RUNDC3B: variants seen among roughly 807,000 people sequenced by gnomAD.
RUNDC3B encodes the protein RUN domain containing 3B.
A neutral mutation model predicts 58.4 loss-of-function variants in RUNDC3B; 33 were observed. The ratio of observed to expected loss-of-function variants is 0.56; its 90% confidence interval spans 0.43 to 0.75. The LOEUF is 0.75. Ranked by LOEUF, RUNDC3B falls within the 30% of genes least tolerant of loss-of-function variation. The probability of loss-of-function intolerance (pLI) is 0.00; values close to 1 mark genes in which losing one functional copy is unlikely to be tolerated. For missense variants in RUNDC3B, 501 were observed against 535.7 expected, an observed-to-expected ratio of 0.94 and a Z score of 0.64; for synonymous variants, 193 against 195.2, an observed-to-expected ratio of 0.99 and a Z score of 0.10.
chr7:87,821,879 C>T (rs1245288409), intron 10 of RUNDC3B, among the ~76,000 whole-genome samples: 1 of 152,110 alleles, frequency 6.6e-6, no homozygotes, highest in Non-Finnish European at 1.5e-5. Context: ...ACACCTTATA[C>T]AAAAATTAAT....
intron 10 of RUNDC3B, among the ~76,000 whole-genome samples, chr7:87,826,087 T>C (rs1472410099): frequency 6.6e-6 from 1 of 152,120 alleles, no homozygotes; most frequent in Non-Finnish European, 1.5e-5. Context: ...AGTTTTGAAA[T>C]GTTAGGACAT....
Position 87,807,400 on chromosome 7 carries a change from A to T in RUNDC3B, c.984A>T (p.Arg328Ser), listed in dbSNP as rs148337605. ...CTGTGCTAAAGAATAATGATTTAAG[A>T]TCGAGACAAGAGTTAACTGCCCATC... ...QLTVLKNNDL[R>S]SRQELTAHLT... is the part of the protein sequence containing the mutation. Residue 328 changes from arginine to serine, a missense_variant, in exon 9 of 11, where the codon AGA (arginine) becomes AGT (serine). Arg to Ser is a moderately radical substitution (Grantham distance 110). Coordinates refer to ENST00000394654, the MANE Select transcript of RUNDC3B (RefSeq NM_001134405.2). The T allele has an allele frequency of 6.2e-6, 10 of 1,613,788 alleles. No individual in the cohort carries two copies. In the African/African-American group the frequency reaches 9.3e-5, roughly 15 times the overall value.
chr7:87,784,332 C>A (rs528775783), intron 8 of RUNDC3B, among the ~76,000 whole-genome samples: 56 of 152,216 alleles, frequency 3.7e-4, no homozygotes, highest in Middle Eastern at 3.4e-3. Flanking sequence ...TTTATCTCAT[C>A]TGAGGGGGCT....
At chr7:87,757,412 A>G (rs1027102023) in intron 6 of RUNDC3B, among the ~76,000 whole-genome samples, 1 of 152,160 alleles carries the variant, frequency 6.6e-6, no homozygotes, top group Non-Finnish European at 1.5e-5. Context: ...TGAAAAAGAA[A>G]CAAGGAAAGC....
chr7:87,767,953 A>C (rs1205139771), intron 6 of RUNDC3B, among the ~76,000 whole-genome samples: 2 of 152,210 alleles, frequency 1.3e-5, no homozygotes, highest in Non-Finnish European at 2.9e-5. Flanking sequence ...CCAACAAAAT[A>C]ACCCAAGGGA....
At chr7:87,812,898 G>A (rs370320053) in intron 9 of RUNDC3B, among the ~76,000 whole-genome samples, 5 of 152,224 alleles carry the variant, frequency 3.3e-5, no homozygotes, top group East Asian at 1.9e-4. Flanking sequence ...ATCAGTTACC[G>A]TTACCGCATG....
chr7:87,650,058 C>T (rs1322759496), intron 1 of RUNDC3B, among the ~76,000 whole-genome samples: 2 of 152,090 alleles, frequency 1.3e-5, no homozygotes. Context: ...CTAATACAGA[C>T]GTATTCTTCT....
At chr7:87,771,537 T>C (rs993534232) in intron 7 of RUNDC3B, among the ~76,000 whole-genome samples, 16 of 152,270 alleles carry the variant, frequency 1.1e-4, no homozygotes, top group African/African-American at 3.9e-4. Flanking sequence ...TGCAAAAATA[T>C]GAAAATGCTG....
intron 10 of RUNDC3B, among the ~76,000 whole-genome samples, chr7:87,819,831 G>C (rs1209734889): frequency 6.6e-6 from 1 of 152,120 alleles, no homozygotes; most frequent in East Asian, 1.9e-4. Flanking sequence ...GATGTTCTTT[G>C]AAACCAACGA....
chr7:87,646,469 A>G (rs549387369), intron 1 of RUNDC3B, among the ~76,000 whole-genome samples: 31 of 152,246 alleles, frequency 2.0e-4, no homozygotes, highest in Non-Finnish European at 3.4e-4. Flanking sequence ...GTTTTGGTGT[A>G]TTTTATGGAG....
chr7:87,818,201 A>G (rs1837184980), intron 10 of RUNDC3B, among the ~76,000 whole-genome samples: 1 of 152,160 alleles, frequency 6.6e-6, no homozygotes, highest in Non-Finnish European at 1.5e-5. Context: ...AATTATAGGT[A>G]TTTTGATATC....
At chr7:87,796,124 A>G (rs1443135700) in intron 8 of RUNDC3B, among the ~76,000 whole-genome samples, 2 of 152,242 alleles carry the variant, frequency 1.3e-5, no homozygotes, top group Non-Finnish European at 2.9e-5. Flanking sequence ...CTATTCAGCC[A>G]TAAAGAAGAA....
intron 1 of RUNDC3B, among the ~76,000 whole-genome samples, chr7:87,634,634 A>G (rs1821578481): frequency 6.6e-6 from 1 of 152,268 alleles, no homozygotes; most frequent in East Asian, 1.9e-4. Flanking sequence ...TCTCAAAAAA[A>G]AAAGAAAAAA....
intron 2 of RUNDC3B, among the ~76,000 whole-genome samples, chr7:87,662,378 CTTTCAGGTTTTAGA>C (rs1824800381): frequency 6.6e-6 from 1 of 151,958 alleles, no homozygotes; most frequent in Non-Finnish European, 1.5e-5. Context: ...TAATTTCACA[CTTTCAGGTTTTAGA>C]TTTCAGTATT....
chr7:87,638,318 T>C (rs1822026807), intron 1 of RUNDC3B, among the ~76,000 whole-genome samples: 1 of 150,648 alleles, frequency 6.6e-6, no homozygotes, highest in African/African-American at 2.5e-5. Flanking sequence ...TTATTTGGCT[T>C]TATAAAACAA....
intron 1 of RUNDC3B, among the ~76,000 whole-genome samples, chr7:87,629,920 C>CA (rs202130650): frequency 0.039 from 4,355 of 112,708 alleles, 175 homozygotes; most frequent in African/African-American, 0.11. Flanking sequence ...GAGACTTCGT[C>CA]AAAAAAAAAA....
intron 1 of RUNDC3B, among the ~76,000 whole-genome samples, chr7:87,638,345 TTGTGTGTGTGTGTGTGTGTGTG>T (rs71524692): frequency 6.9e-6 from 1 of 144,696 alleles, no homozygotes. Context: ...AAGTATGTGT[TTGTGTGTGTGTGTGTGTGTGTG>T]TGTGTGTGTG....
intron 10 of RUNDC3B, among the ~76,000 whole-genome samples, chr7:87,820,209 A>C (rs918778291): frequency 4.3e-4 from 65 of 152,220 alleles, no homozygotes; most frequent in Non-Finnish European, 2.1e-4. Flanking sequence ...AGGGGATATC[A>C]CCACCGATCT....
chr7:87,643,859 AG>A (rs1362998038), intron 1 of RUNDC3B, among the ~76,000 whole-genome samples: 1 of 150,398 alleles, frequency 6.6e-6, no homozygotes, highest in Non-Finnish European at 1.5e-5. Context: ...ATTTGAAGAA[AG>A]AAGGGAAATT....
Sources: gnomAD v4.1 joint callset for allele counts (sites outside exome capture counted in the v4.1 genomes callset) on GRCh38, gnomAD v4.1.1 for gene constraint, MANE v1.5 for transcripts, NCBI Gene and HGNC (gene_info 2026-07-23, HGNC 2026-07-21) for gene names.